DIAPH2: variants seen among roughly 807,000 people sequenced by gnomAD.
DIAPH2 encodes diaphanous related formin 2, also known as protein diaphanous homolog 2.
Under a neutral mutation model 92.7 loss-of-function variants are expected in DIAPH2, and 35 were observed. The observed-to-expected ratio is 0.38, with a 90% confidence interval of 0.29 to 0.50. The LOEUF (loss-of-function observed/expected upper bound fraction) is 0.50. DIAPH2 is among the 20% of genes least tolerant of loss of function. The pLI is 0.94. For synonymous variants in DIAPH2, 301 were observed against 280.4 expected (o/e 1.07, Z -0.73); for missense variants, 701 against 819.5 (o/e 0.86, Z 1.77).
At chrX:97,035,782 G>A (rs1278343592) in intron 17 of DIAPH2, among the ~76,000 whole-genome samples, 1 of 110,556 alleles carries the variant, frequency 9.0e-6, no homozygotes, top group Non-Finnish European at 1.9e-5. Context: ...GCTGAGATGG[G>A]CGGATTGCTT....
At chrX:96,721,636 T>A (rs1025988111) in intron 1 of DIAPH2, among the ~76,000 whole-genome samples, 3 of 112,120 alleles carry the variant, frequency 2.7e-5, no homozygotes, top group African/African-American at 9.7e-5. Flanking sequence ...TTTCAGTGGT[T>A]TTCAGCCAAG....
At chrX:97,212,703 C>G (rs936696310) in intron 22 of DIAPH2, among the ~76,000 whole-genome samples, 1 of 106,343 alleles carries the variant, frequency 9.4e-6, no homozygotes, top group African/African-American at 3.4e-5. Flanking sequence ...ATTTCTTCCT[C>G]TGCAAGTAAC....
At chrX:97,124,552 A>G (rs1318914636) in intron 21 of DIAPH2, among the ~76,000 whole-genome samples, 1 of 112,428 alleles carries the variant, frequency 8.9e-6, no homozygotes, top group Non-Finnish European at 1.9e-5. Context: ...CTAGAGAACA[A>G]TAGTTTGTAA....
intron 22 of DIAPH2, among the ~76,000 whole-genome samples, chrX:97,233,430 G>A (rs2068023888): frequency 8.9e-6 from 1 of 112,152 alleles, no homozygotes; most frequent in Non-Finnish European, 1.9e-5. Context: ...ACGTTTTATA[G>A]GATGAAATGA....
intron 26 of DIAPH2, among the ~76,000 whole-genome samples, chrX:97,445,166 A>G (rs1225239298): frequency 9.0e-6 from 1 of 111,491 alleles, no homozygotes; most frequent in African/African-American, 3.3e-5. Flanking sequence ...AGTATTGATC[A>G]GTTTGCATGG....
intron 23 of DIAPH2, among the ~76,000 whole-genome samples, chrX:97,336,740 G>T (rs759727086): frequency 1.4e-4 from 16 of 111,629 alleles, no homozygotes; most frequent in African/African-American, 5.2e-4. Context: ...AATGAGTGAA[G>T]AAATCACTCT....
At chrX:97,502,342 T>C (rs1174575891) in intron 26 of DIAPH2, among the ~76,000 whole-genome samples, 2 of 112,262 alleles carry the variant, frequency 1.8e-5, no homozygotes, top group Admixed American at 1.9e-4. Flanking sequence ...AAGGATTCTG[T>C]TTAGTAGAAT....
intron 1 of DIAPH2, among the ~76,000 whole-genome samples, chrX:96,704,971 G>GTT (rs397896760): frequency 0.076 from 6,449 of 84,479 alleles, 346 homozygotes; most frequent in East Asian, 0.23. Flanking sequence ...AAAACAGAGG[G>GTT]TTTTTTTTTT....
intron 17 of DIAPH2, among the ~76,000 whole-genome samples, chrX:97,054,537 G>C (rs967121265): frequency 3.6e-5 from 4 of 111,607 alleles, no homozygotes; most frequent in African/African-American, 1.3e-4. Flanking sequence ...TCTCAAAGGA[G>C]ATGGCATTTT....
At chrX:96,742,342 A>G (rs5990654) in intron 3 of DIAPH2, among the ~76,000 whole-genome samples, 21,751 of 110,910 alleles carry the variant, frequency 0.2, 1,602 homozygotes, top group East Asian at 0.33. Flanking sequence ...TGGTAGGATT[A>G]TTAGGATTAC....
intron 22 of DIAPH2, among the ~76,000 whole-genome samples, chrX:97,142,029 C>G (rs1396742592): frequency 9.0e-6 from 1 of 111,571 alleles, no homozygotes; most frequent in African/African-American, 3.3e-5. Context: ...TTTCATTTCT[C>G]TGATCAGATA....
At chrX:97,492,958 A>G (rs2070734288) in intron 26 of DIAPH2, among the ~76,000 whole-genome samples, 1 of 112,389 alleles carries the variant, frequency 8.9e-6, no homozygotes, top group Non-Finnish European at 1.9e-5. Flanking sequence ...GTTTTCCTCC[A>G]TGAGTTCTTT....
chrX:97,031,057 G>T (rs2066370406), intron 17 of DIAPH2, among the ~76,000 whole-genome samples: 2 of 111,514 alleles, frequency 1.8e-5, no homozygotes, highest in African/African-American at 6.5e-5. Flanking sequence ...CTCATTAGTT[G>T]TTACTTCTTT....
chrX:97,370,096 A>G (rs762373760), intron 24 of DIAPH2, among the ~76,000 whole-genome samples: 1 of 111,550 alleles, frequency 9.0e-6, no homozygotes, highest in African/African-American at 3.3e-5. Flanking sequence ...CAGGGACTAG[A>G]ACGGTATGTG....
chrX:96,770,781 C>T (rs1432885440), intron 4 of DIAPH2, among the ~76,000 whole-genome samples: 1 of 111,746 alleles, frequency 8.9e-6, no homozygotes, highest in Non-Finnish European at 1.9e-5. Context: ...AGACCTGAAA[C>T]TATTTAATGA....
intron 26 of DIAPH2, among the ~76,000 whole-genome samples, chrX:97,589,667 T>C (rs1450338265): frequency 8.9e-6 from 1 of 112,207 alleles, no homozygotes; most frequent in Non-Finnish European, 1.9e-5. Flanking sequence ...TCTAGCTTTA[T>C]ACATTTATCC....
intron 23 of DIAPH2, among the ~76,000 whole-genome samples, chrX:97,329,348 C>T (rs1397542975): frequency 8.9e-6 from 1 of 111,901 alleles, no homozygotes; most frequent in African/African-American, 3.2e-5. Flanking sequence ...CACTTTCCCC[C>T]ACCCACCTCT....
rs3044923 is a variant in DIAPH2 at position 97,145,282 on chromosome X, CAGTAGTAGTAGTAGTAGT to C, written c.2719+3513_2719+3530del. Among the ~76,000 whole-genome samples, 4 of 92,096 alleles carry C rather than the reference CAGTAGTAGTAGTAGTAGT, an allele frequency of 4.3e-5. 1 individual carries two copies. The Admixed American group carries it at 5.0e-4, about 12-fold the overall frequency. The allele number at this position is 92,096 out of a possible 115,157, so 80.0% of individuals were successfully genotyped here. On this transcript the variant is annotated intron_variant, in intron 22 of 26. Transcript: ENST00000324765. ...TATGCGGCTGTTGCTGAACTACTAC[CAGTAGTAGTAGTAGTAGT>C]AGTAGTAGTAGTAGTAGTAGTAGTG...
intron 22 of DIAPH2, among the ~76,000 whole-genome samples, chrX:97,220,563 C>T (rs1035241752): frequency 1.8e-5 from 2 of 111,210 alleles, no homozygotes; most frequent in Non-Finnish European, 3.8e-5. Context: ...CCAGAGGGGC[C>T]GTGGTAAAAT....
Sources: gnomAD v4.1 joint callset for allele counts (sites outside exome capture counted in the v4.1 genomes callset) on GRCh38, gnomAD v4.1.1 for gene constraint, MANE v1.5 for transcripts, NCBI Gene and HGNC (gene_info 2026-07-23, HGNC 2026-07-21) for gene names.